The following KCNQ1 variants were observed in gnomAD, a reference collection of about 807,000 sequenced individuals.
The protein encoded by KCNQ1 is potassium voltage-gated channel subfamily Q member 1, also known as potassium voltage-gated channel subfamily KQT member 1.
KCNQ1 carries 49 observed loss-of-function variants against 72.4 expected under a neutral mutation model. That is an observed-to-expected ratio of 0.68 (90% CI 0.54 to 0.86). The LOEUF (loss-of-function observed/expected upper bound fraction) is 0.86, where lower values mean the gene tolerates loss of function less well. KCNQ1 is among the 40% of genes least tolerant of loss of function. The pLI is 0.00. For synonymous variants in KCNQ1, 450 were observed against 412.6 expected, an observed-to-expected ratio of 1.09 and a Z score of -1.10; for missense variants, 790 against 945.1, an observed-to-expected ratio of 0.84 and a Z score of 2.15.
Position 2,647,727 on chromosome 11 carries a change from T to A in KCNQ1, c.1394-14234T>A. The A allele has an allele frequency of 5.0e-6, 2 of 398,524 alleles. No individual in the cohort carries two copies. The allele number at this position is 398,524 out of a possible 1,614,324, so 24.7% of individuals were successfully genotyped here. On this transcript the variant is annotated intron_variant, in intron 10 of 15. Transcript: ENST00000155840. This position sits in a 1 kb window ranked among gnomAD's most constrained non-coding sequence, Gnocchi z 4.0. Reference sequence around the variant, plus strand: ...TCTTCCTGGTTCAATCTTGGGAGGTTATATATGTCCAGGAATTTATCTCTT... The same window carrying A: ...TCTTCCTGGTTCAATCTTGGGAGGTAATATATGTCCAGGAATTTATCTCTT...
Position 2,471,703 on chromosome 11 carries a change from T to C in KCNQ1, c.386+26219T>C, listed in dbSNP as rs934287884. The stretch of plus-strand genomic sequence containing the variant: ...ATGTGTATGGGTGTGCATGTGTGTA[T>C]AGGTGTGTGTATGTGTGCATGGGCG... On this transcript the variant is annotated intron_variant, in intron 1 of 15. Transcript: ENST00000155840. The surrounding 1 kb of genome is among the most constrained non-coding windows in gnomAD (Gnocchi z 4.8). Among the ~76,000 whole-genome samples the C allele has an allele frequency of 1.4e-4, 21 of 151,062 alleles. No homozygotes were observed. Among genetic ancestry groups the C allele is most frequent in the South Asian group, 2.1e-4 (1 of 4,796 alleles).
chr11:2,798,611 TC>T (rs1291503330), intron 15 of KCNQ1, among the ~76,000 whole-genome samples: 1 of 152,198 alleles, frequency 6.6e-6, no homozygotes, highest in Non-Finnish European at 1.5e-5. Flanking sequence ...GAACGAATTT[TC>T]TTGATTTCGT....
At position 2,793,992 on chromosome 11, in the gene KCNQ1, T is replaced by C. The variant is rs547844586; in HGVS notation, c.1794+15955T>C. ...ACACAGGGTGGAAGAGTGTCCAGTG[T>C]GTGCAGCCTTGCAAAGGCCCTAGGG... On this transcript the variant is annotated intron_variant, in intron 15 of 15. Coordinates refer to ENST00000155840, the MANE Select transcript of KCNQ1 (RefSeq NM_000218.3). 1.6e-4 allele frequency among the ~76,000 whole-genome samples: 25 copies of C among 152,206 alleles called. No homozygotes were observed. In the South Asian group the frequency reaches 4.6e-3, roughly 28 times the overall value.
rs139020850 is a variant in KCNQ1 at position 2,779,657 on chromosome 11, C to A, written c.1794+1620C>A. ...TGCCCCTGCTCCATGGGACAGGCCACCCTCTAAGCCCAGACCTGGAGTCTG... is the reference window on the plus strand; with the variant it reads ...TGCCCCTGCTCCATGGGACAGGCCAACCTCTAAGCCCAGACCTGGAGTCTG... On this transcript the variant is annotated intron_variant, in intron 15 of 15. Coordinates refer to ENST00000155840, the MANE Select transcript of KCNQ1 (RefSeq NM_000218.3). Among the ~76,000 whole-genome samples the A allele has an allele frequency of 2.6e-5, 4 of 152,312 alleles. No homozygotes were observed. The East Asian group carries it at 7.7e-4, about 29-fold the overall frequency.
At chr11:2,513,046 C>A (rs908938799) in intron 1 of KCNQ1, among the ~76,000 whole-genome samples, 9 of 152,154 alleles carry the variant, frequency 5.9e-5, no homozygotes, top group African/African-American at 1.9e-4. Context: ...GGCCTGCTCA[C>A]TGGGAAGAGC....
chr11:2,653,881 A>T lies in KCNQ1; in HGVS notation c.1394-8080A>T, dbSNP rs980373904. 10 of 398,556 alleles carry T rather than the reference A, an allele frequency of 2.5e-5. No individual in the cohort carries two copies. Among genetic ancestry groups the T allele is most frequent in the Non-Finnish European group, 4.4e-5 (10 of 226,110 alleles). The allele number at this position is 398,556 out of a possible 1,614,324, so 24.7% of individuals were successfully genotyped here. A position where few individuals can be genotyped will look rare whatever the true frequency, so the allele number is the denominator to read the frequency against. Reference sequence around the variant, plus strand: ...CACTGCACACTAGGAGTGGGAAAGGAAGAGCCCCCTAAGGAAGATTTGAGA... The same window carrying T: ...CACTGCACACTAGGAGTGGGAAAGGTAGAGCCCCCTAAGGAAGATTTGAGA... On this transcript the variant is annotated intron_variant, in intron 10 of 15. Transcript: ENST00000155840. The surrounding 1 kb of genome is among the most constrained non-coding windows in gnomAD (Gnocchi z 5.3).
rs1031779526 is a variant in KCNQ1, at chr11:2,673,661, C to T, written c.1514+11580C>T. The T allele has an allele frequency of 7.5e-6, 3 of 398,634 alleles. No homozygotes were observed. Among genetic ancestry groups the T allele is most frequent in the African/African-American group, 6.2e-5 (3 of 48,630 alleles). 24.7% of individuals were successfully genotyped at this position (398,634 alleles called of 1,614,324 possible). ...GACCACCCTGACTCATGTCCCTTGT[C>T]TGCATAGGTGTTTTCCTATAAATGT... On this transcript the variant is annotated intron_variant, in intron 11 of 15. Coordinates refer to ENST00000155840, the MANE Select transcript of KCNQ1 (RefSeq NM_000218.3). This position sits in a 1 kb window ranked among gnomAD's most constrained non-coding sequence, Gnocchi z 4.5.
chr11:2,555,492 G>A (rs908221624), intron 2 of KCNQ1, among the ~76,000 whole-genome samples: 6 of 152,234 alleles, frequency 3.9e-5, no homozygotes, highest in African/African-American at 1.2e-4. Context: ...CCTGCCAGGC[G>A]GCTAATGGTG....
At position 2,748,219 on chromosome 11, in the gene KCNQ1, C is replaced by A. The variant is rs1442162684; in HGVS notation, c.1515-20625C>A. Among the ~76,000 whole-genome samples, 1 of 152,150 alleles carries A rather than the reference C, an allele frequency of 6.6e-6. No homozygotes were observed. Among genetic ancestry groups the A allele is most frequent in the African/African-American group, 2.4e-5 (1 of 41,414 alleles). On this transcript the variant is annotated intron_variant, in intron 11 of 15. Coordinates refer to ENST00000155840, the MANE Select transcript of KCNQ1 (RefSeq NM_000218.3). The surrounding 1 kb of genome is among the most constrained non-coding windows in gnomAD (Gnocchi z 6.2). ...TGCAGTCAGCCCTGTCTCCTTGTGTCCCCAGACCTCGGGCGAGGGAGAAGC... is the reference window on the plus strand; with the variant it reads ...TGCAGTCAGCCCTGTCTCCTTGTGTACCCAGACCTCGGGCGAGGGAGAAGC...
At chr11:2,810,449 C>CTTTTT (rs201954335) in intron 15 of KCNQ1, among the ~76,000 whole-genome samples, 2 of 152,172 alleles carry the variant, frequency 1.3e-5, no homozygotes, top group Non-Finnish European at 2.9e-5. Context: ...CTTTCTTCCC[C>CTTTTT]TTTTTTATGG....
rs1166018822 is a variant in KCNQ1, at chr11:2,544,098, C to A, written c.477+16080C>A. ...TGCATTTACATATAAATTTTGGAAG[C>A]TGCTTACCAATTTTTGCAAAGCCTG... On this transcript the variant is annotated intron_variant, in intron 2 of 15. Coordinates refer to ENST00000155840, the MANE Select transcript of KCNQ1 (RefSeq NM_000218.3). This position sits in a 1 kb window ranked among gnomAD's most constrained non-coding sequence, Gnocchi z 4.4. Among the ~76,000 whole-genome samples, 2 of 151,974 alleles carry A rather than the reference C, an allele frequency of 1.3e-5. No individual in the cohort carries two copies. The highest frequency in any genetic ancestry group is 2.9e-5 in the Non-Finnish European group (2 of 68,008).
At chr11:2,546,455 G>T (rs892026959) in intron 2 of KCNQ1, among the ~76,000 whole-genome samples, 1 of 152,142 alleles carries the variant, frequency 6.6e-6, no homozygotes, top group African/African-American at 2.4e-5. Flanking sequence ...GACTAATGTG[G>T]TTGATGATGG....
chr11:2,546,517 A>G (rs1000983992), intron 2 of KCNQ1, among the ~76,000 whole-genome samples: 1 of 152,144 alleles, frequency 6.6e-6, no homozygotes, highest in African/African-American at 2.4e-5. Flanking sequence ...TTTTGTATCT[A>G]CTTGTTCTAT....
At chr11:2,689,608 C>T (rs773284398) in intron 11 of KCNQ1, 8 of 398,538 alleles carry the variant, frequency 2.0e-5, no homozygotes, top group Admixed American at 8.8e-5. Context: ...CTCAAGGATC[C>T]GGGTATTTTA....
rs934405273 is a variant in KCNQ1 at position 2,691,946 on chromosome 11, A to C, written c.1514+29865A>C. The stretch of plus-strand genomic sequence containing the variant: ...GCAGGTTTTCCCTTCTGGCATGGCC[A>C]CTAAATGCCAGTGCCTTTCTCTATG... On this transcript the variant is annotated intron_variant, in intron 11 of 15. Coordinates refer to ENST00000155840, the MANE Select transcript of KCNQ1 (RefSeq NM_000218.3). This position sits in a 1 kb window ranked among gnomAD's most constrained non-coding sequence, Gnocchi z 6.4. The C allele has an allele frequency of 3.0e-5, 12 of 398,446 alleles. No individual in the cohort carries two copies. The highest frequency in any genetic ancestry group is 5.3e-5 in the Non-Finnish European group (12 of 226,114). 24.7% of individuals were successfully genotyped at this position (398,446 alleles called of 1,614,324 possible).
At chr11:2,778,059 C>T (rs762635241) in intron 15 of KCNQ1, 22 bp downstream of exon 15, 13 of 1,612,024 alleles carry the variant, frequency 8.1e-6, no homozygotes, top group East Asian at 4.5e-5. Flanking sequence ...CGCCGGCCTG[C>T]GGTGGTTCTG....
rs1302200230 is a variant in KCNQ1 at position 2,748,703 on chromosome 11, G to C, written c.1515-20141G>C. The stretch of plus-strand genomic sequence containing the variant: ...GATCACAGAGCTTCGGGTCCAGCCA[G>C]CTGCTGCTGCCCCTCCCTCTGGGCC... On this transcript the variant is annotated intron_variant, in intron 11 of 15. Transcript: ENST00000155840. The surrounding 1 kb of genome is among the most constrained non-coding windows in gnomAD (Gnocchi z 6.2). Among the ~76,000 whole-genome samples, 1 of 94,954 alleles carries C rather than the reference G, an allele frequency of 1.1e-5. No individual in the cohort carries two copies. Among genetic ancestry groups the C allele is most frequent in the Non-Finnish European group, 2.4e-5 (1 of 41,840 alleles). The allele number at this position is 94,954 out of a possible 152,430, so 62.3% of individuals were successfully genotyped here. A position where few individuals can be genotyped will look rare whatever the true frequency, so the allele number is the denominator to read the frequency against.
Position 2,544,264 on chromosome 11 carries a change from G to GCA in KCNQ1, c.477+16246_477+16247insCA, listed in dbSNP as rs1847868495. On this transcript the variant is annotated intron_variant, in intron 2 of 15. Coordinates refer to ENST00000155840, the MANE Select transcript of KCNQ1 (RefSeq NM_000218.3). The surrounding 1 kb of genome is among the most constrained non-coding windows in gnomAD (Gnocchi z 4.4). Reference sequence around the variant, plus strand: ...TGTGTGTGTGTATATATATATGTGTGTGTGTGTATATATATGTGTATATAT... The same window carrying GCA: ...TGTGTGTGTGTATATATATATGTGTGCATGTGTGTATATATATGTGTATATAT... Among the ~76,000 whole-genome samples, 1 of 138,378 alleles carries GCA rather than the reference G, an allele frequency of 7.2e-6. No homozygotes were observed. Among genetic ancestry groups the GCA allele is most frequent in the African/African-American group, 2.8e-5 (1 of 35,460 alleles). 90.8% of individuals were successfully genotyped at this position (138,378 alleles called of 152,430 possible). A position where few individuals can be genotyped will look rare whatever the true frequency, so the allele number is the denominator to read the frequency against.
chr11:2,665,621 G>T, intron 11 of KCNQ1: 3 of 397,436 alleles, frequency 7.5e-6, no homozygotes, highest in Non-Finnish European at 1.3e-5. Context: ...AGGCTGTACG[G>T]CTGTGTCCTC....
Sources: allele counts gnomAD v4.1 joint callset (sites outside exome capture counted in the v4.1 genomes callset), GRCh38; gene constraint gnomAD v4.1.1; non-coding constraint Gnocchi (gnomAD v3.1); transcripts MANE v1.5; gene names NCBI Gene and HGNC (gene_info 2026-07-23, HGNC 2026-07-21).